CDH3: variants seen among roughly 807,000 people sequenced by gnomAD.
CDH3 encodes cadherin-3.
In CDH3, 54 loss-of-function variants were observed where a neutral mutation model predicts 82.0. That is an observed-to-expected ratio of 0.66 (90% CI 0.53 to 0.83). CDH3 has a LOEUF of 0.83. Ranked by LOEUF, CDH3 falls within the 40% of genes least tolerant of loss-of-function variation. The pLI is 0.00. For synonymous variants in CDH3, 446 were observed against 437.9 expected (o/e 1.02, Z -0.23); for missense variants, 1,054 against 1,084.6 (o/e 0.97, Z 0.40).
chr16:68,667,833 T>G (rs1033261441), intron 2 of CDH3, among the ~76,000 whole-genome samples: 3 of 152,218 alleles, frequency 2.0e-5, no homozygotes, highest in African/African-American at 7.2e-5. Context: ...GACTCCTGGT[T>G]TCCATTGGAT....
chr16:68,650,548 AC>A (rs1960208976), intron 2 of CDH3, among the ~76,000 whole-genome samples: 1 of 152,132 alleles, frequency 6.6e-6, no homozygotes, highest in South Asian at 2.1e-4. Context: ...TGATCTGCCC[AC>A]CTTGGCCTCC....
rs144017033 is a variant in CDH3 at position 68,666,091 on chromosome 16, G to A, written c.161-10294G>A. ...TCTTTGTTGAGGGTATCTGATCTGA[G>A]GCAGAGGGCCCGAGTCTGAATGATT... On this transcript the variant is annotated intron_variant, in intron 2 of 15. Coordinates refer to ENST00000264012, the MANE Select transcript of CDH3 (RefSeq NM_001793.6). Among the ~76,000 whole-genome samples, 1,138 of 152,006 alleles carry A rather than the reference G, an allele frequency of 7.5e-3. 17 individuals are homozygous for A. Among genetic ancestry groups the A allele is most frequent in the African/African-American group, 0.026 (1,082 of 41,454 alleles).
chr16:68,722,995 C>T (rs143052344), intron 2 of CDH3, among the ~76,000 whole-genome samples: 80 of 150,762 alleles, frequency 5.3e-4, no homozygotes, highest in African/African-American at 1.8e-3. Context: ...GGTTTCACCA[C>T]GTTGGCCCAG....
intron 13 of CDH3, among the ~76,000 whole-genome samples, chr16:68,693,654 C>G (rs1961633492): frequency 1.3e-5 from 2 of 152,122 alleles, no homozygotes; most frequent in African/African-American, 4.8e-5. Context: ...AGGTTACTGT[C>G]TAGCCCACAT....
chr16:68,681,864 A>T (rs1341221335), intron 8 of CDH3, among the ~76,000 whole-genome samples: 2 of 152,014 alleles, frequency 1.3e-5, no homozygotes, highest in Admixed American at 6.6e-5. Flanking sequence ...AAATAAATAA[A>T]TTTTTTGTTC....
rs1045490527 is a variant in CDH3, at chr16:68,698,998, T to C, written c.*598T>C. The C allele has an allele frequency of 2.0e-5, 3 of 153,300 alleles. No individual in the cohort carries two copies. Among genetic ancestry groups the C allele is most frequent in the Non-Finnish European group, 4.4e-5 (3 of 68,792 alleles). 9.5% of individuals were successfully genotyped at this position (153,300 alleles called of 1,614,324 possible). A position where few individuals can be genotyped will look rare whatever the true frequency, so the allele number is the denominator to read the frequency against. On this transcript the variant is annotated 3_prime_UTR_variant, in exon 16 of 16. Transcript: ENST00000264012. ...TAGATGAAGGGTGAGGACAATCGTG[T>C]ATATGTACTAGAACTTTTTTATTAA...
At chr16:68,730,466 C>T (rs185707615), downstream of CDH3, among the ~76,000 whole-genome samples, 262 of 151,492 alleles carry the variant, frequency 1.7e-3, 1 homozygote, top group Non-Finnish European at 5.0e-4. Flanking sequence ...ACGGAAGTTG[C>T]GTTGAGCCGA....
At chr16:68,726,203 C>G (rs1214078497) in intron 2 of CDH3, among the ~76,000 whole-genome samples, 1 of 152,126 alleles carries the variant, frequency 6.6e-6, no homozygotes, top group East Asian at 1.9e-4. Context: ...TTCTCTAAGC[C>G]TCAGTCACCT....
chr16:68,698,685 C>A lies in CDH3; in HGVS notation c.*285C>A. 1 of 490,748 alleles carries A rather than the reference C, an allele frequency of 2.0e-6. No homozygotes were observed. Among genetic ancestry groups the A allele is most frequent in the South Asian group, 2.3e-5 (1 of 43,164 alleles). The allele number at this position is 490,748 out of a possible 1,614,324, so 30.4% of individuals were successfully genotyped here. On this transcript the variant is annotated 3_prime_UTR_variant, in exon 16 of 16. Transcript: ENST00000264012. ...CTCTTACCTGCCGTAAAATGCTCAA[C>A]CCTGTGTCCTGGGCCTGGGCCTGCT...
chr16:68,690,269 C>T (rs953713092), intron 12 of CDH3, among the ~76,000 whole-genome samples: 2 of 152,196 alleles, frequency 1.3e-5, no homozygotes, highest in Non-Finnish European at 2.9e-5. Flanking sequence ...AGCATCTGAT[C>T]GGATCTGCTC....
intron 2 of CDH3, 54 bp downstream of exon 2, chr16:68,645,804 T>C: frequency 7.3e-7 from 1 of 1,371,130 alleles, no homozygotes; most frequent in Non-Finnish European, 1.0e-6. Flanking sequence ...ACCATTTTGG[T>C]GTGGACCGCG....
At chr16:68,691,249 C>G (rs1006881856) in intron 12 of CDH3, among the ~76,000 whole-genome samples, 9 of 152,010 alleles carry the variant, frequency 5.9e-5, no homozygotes, top group Non-Finnish European at 1.2e-4. Context: ...CGTGATCTGC[C>G]CACTTCGGCC....
chr16:68,647,495 C>T (rs1466333486), intron 2 of CDH3, among the ~76,000 whole-genome samples: 1 of 152,130 alleles, frequency 6.6e-6, no homozygotes, highest in East Asian at 1.9e-4. Context: ...ATTCAGCTTT[C>T]TCGGATGTCT....
chr16:68,728,334 T>C (rs1597833305), downstream of CDH3, among the ~76,000 whole-genome samples: 2 of 152,070 alleles, frequency 1.3e-5, no homozygotes, highest in African/African-American at 4.8e-5. Context: ...CCCAGCTAAT[T>C]TTTTGTATTT....
chr16:68,686,888 AACCC>A (rs1434229736), intron 11 of CDH3, among the ~76,000 whole-genome samples: 1 of 152,186 alleles, frequency 6.6e-6, no homozygotes, highest in Non-Finnish European at 1.5e-5. Flanking sequence ...GAATCACCTT[AACCC>A]AGGAGGTGGT....
intron 2 of CDH3, among the ~76,000 whole-genome samples, chr16:68,653,344 C>G (rs2152090531): frequency 6.6e-6 from 1 of 152,068 alleles, no homozygotes; most frequent in East Asian, 1.9e-4. Context: ...TCAAGCGATT[C>G]TCCTGCCTCA....
intron 2 of CDH3, among the ~76,000 whole-genome samples, chr16:68,666,930 C>T (rs1367998506): frequency 1.3e-5 from 2 of 151,912 alleles, no homozygotes; most frequent in Admixed American, 1.3e-4. Flanking sequence ...AAGCAAGTCA[C>T]GAACATCCTG....
At chr16:68,670,141 G>A (rs971537256) in intron 2 of CDH3, among the ~76,000 whole-genome samples, 1 of 148,280 alleles carries the variant, frequency 6.7e-6, no homozygotes, top group African/African-American at 2.5e-5. Context: ...GGAGAATGAC[G>A]TGAACCTAGA....
At chr16:68,716,696 G>C (rs1047702652) in intron 1 of CDH3, among the ~76,000 whole-genome samples, 1 of 151,174 alleles carries the variant, frequency 6.6e-6, no homozygotes, top group African/African-American at 2.4e-5. Context: ...AGGGTAGCAC[G>C]GGATGGTACA....
Sources: allele counts gnomAD v4.1 joint callset (sites outside exome capture counted in the v4.1 genomes callset), GRCh38; gene constraint gnomAD v4.1.1; transcripts MANE v1.5; gene names NCBI Gene and HGNC (gene_info 2026-07-23, HGNC 2026-07-21).